PTPRD: variants seen among roughly 807,000 people sequenced by gnomAD.
PTPRD encodes receptor-type tyrosine-protein phosphatase delta.
In PTPRD, 34 loss-of-function variants were observed where a neutral mutation model predicts 214.5. The ratio of observed to expected loss-of-function variants is 0.16; its 90% confidence interval spans 0.12 to 0.21. The LOEUF is 0.21. Among genes scored for constraint, PTPRD ranks in the 10% least tolerant of loss-of-function variants. The pLI is 1.00. For synonymous variants in PTPRD, 1,128 were observed against 845.7 expected, an observed-to-expected ratio of 1.33 and a Z score of -5.79; for missense variants, 2,545 against 2,398.7, an observed-to-expected ratio of 1.06 and a Z score of -1.27.
At chr9:8,986,070 G>A (rs934846708) in intron 11 of PTPRD, among the ~76,000 whole-genome samples, 3 of 152,004 alleles carry the variant, frequency 2.0e-5, no homozygotes, top group African/African-American at 7.2e-5. Context: ...AAGCTTGGAA[G>A]GACCTTGATA....
chr9:10,224,755 T>C (rs1459987940), intron 3 of PTPRD, among the ~76,000 whole-genome samples: 1 of 152,022 alleles, frequency 6.6e-6, no homozygotes, highest in Non-Finnish European at 1.5e-5. Context: ...CCAACTCTCC[T>C]CTTCCTCCTC....
chr9:10,267,548 C>G (rs566391228), intron 3 of PTPRD, among the ~76,000 whole-genome samples: 2 of 151,952 alleles, frequency 1.3e-5, no homozygotes, highest in East Asian at 1.9e-4. Flanking sequence ...AATTCTTGCC[C>G]AAGGCATTTC....
At chr9:10,384,236 A>T (rs1269404393) in intron 2 of PTPRD, among the ~76,000 whole-genome samples, 1 of 151,850 alleles carries the variant, frequency 6.6e-6, no homozygotes, top group Non-Finnish European at 1.5e-5. Context: ...ACTATTTCAC[A>T]TGATGTGAAC....
chr9:9,482,716 T>A (rs1296600425), intron 8 of PTPRD, among the ~76,000 whole-genome samples: 1 of 152,196 alleles, frequency 6.6e-6, no homozygotes, highest in Non-Finnish European at 1.5e-5. Context: ...AAAATAAGCT[T>A]GTTTATAAAC....
intron 10 of PTPRD, among the ~76,000 whole-genome samples, chr9:9,055,797 A>G (rs2099695124): frequency 6.7e-6 from 1 of 149,662 alleles, no homozygotes; most frequent in Non-Finnish European, 1.5e-5. Flanking sequence ...AATATATTTT[A>G]TATTTAACTA....
chr9:9,444,169 T>G (rs2089494092), intron 8 of PTPRD, among the ~76,000 whole-genome samples: 2 of 152,190 alleles, frequency 1.3e-5, no homozygotes, highest in Non-Finnish European at 2.9e-5. Context: ...ACTTAACATG[T>G]TCTTTGGATT....
chr9:10,365,927 T>G (rs929464897), intron 2 of PTPRD, among the ~76,000 whole-genome samples: 1 of 152,172 alleles, frequency 6.6e-6, no homozygotes, highest in Non-Finnish European at 1.5e-5. Flanking sequence ...CAAAATATCC[T>G]CTACTCTGTT....
intron 11 of PTPRD, among the ~76,000 whole-genome samples, chr9:8,958,311 T>C (rs1181348356): frequency 6.6e-6 from 1 of 151,966 alleles, no homozygotes. Flanking sequence ...ATACTTCTTC[T>C]CCCTAATAAG....
At chr9:9,700,997 C>G (rs911959661) in intron 7 of PTPRD, among the ~76,000 whole-genome samples, 2 of 151,678 alleles carry the variant, frequency 1.3e-5, no homozygotes, top group Non-Finnish European at 2.9e-5. Flanking sequence ...ACTTCATTCC[C>G]CTAGAAGTCA....
intron 8 of PTPRD, among the ~76,000 whole-genome samples, chr9:9,498,588 G>A (rs2096283670): frequency 1.3e-5 from 2 of 152,028 alleles, no homozygotes; most frequent in African/African-American, 4.8e-5. Flanking sequence ...TACTGGGGTT[G>A]AGAAAAGAAA....
intron 14 of PTPRD, among the ~76,000 whole-genome samples, chr9:8,627,756 C>G (rs2096091101): frequency 6.6e-6 from 1 of 151,832 alleles, no homozygotes. Flanking sequence ...GTTTTAATGT[C>G]TCCCCTTACT....
intron 7 of PTPRD, among the ~76,000 whole-genome samples, chr9:9,603,452 G>C (rs970568133): frequency 2.6e-5 from 4 of 152,132 alleles, no homozygotes; most frequent in African/African-American, 7.2e-5. Context: ...CTATAAACCA[G>C]AGGTCCCCAA....
intron 3 of PTPRD, among the ~76,000 whole-genome samples, chr9:10,191,300 CTATTT>C (rs532581838): frequency 3.3e-4 from 50 of 151,980 alleles, no homozygotes; most frequent in East Asian, 1.4e-3. Flanking sequence ...AATATATATT[CTATTT>C]TATTTTTCTT....
At chr9:8,366,115 C>T (rs1410584208) in intron 39 of PTPRD, among the ~76,000 whole-genome samples, 1 of 152,090 alleles carries the variant, frequency 6.6e-6, no homozygotes, top group Non-Finnish European at 1.5e-5. Context: ...AACACCAAAA[C>T]AAATGAACAA....
intron 9 of PTPRD, among the ~76,000 whole-genome samples, chr9:9,292,255 A>ATAACT (rs1354460245): frequency 2.0e-5 from 3 of 151,288 alleles, no homozygotes; most frequent in Non-Finnish European, 3.0e-5. Flanking sequence ...TAACTGAAGC[A>ATAACT]TAACTGGTTC....
rs898216445 is a variant in PTPRD at position 8,945,509 on chromosome 9, T to A, written c.-104+73188A>T. On this transcript the variant is annotated intron_variant, in intron 11 of 45. Coordinates refer to ENST00000381196, the MANE Select transcript of PTPRD (RefSeq NM_002839.4). ...ATCTACTGCAATTCATCTTGCTCGCTAGAATCCTCCTAAAGCATTCCATAA... is the reference window on the plus strand; with the variant it reads ...ATCTACTGCAATTCATCTTGCTCGCAAGAATCCTCCTAAAGCATTCCATAA... Among the ~76,000 whole-genome samples, 56 of 152,214 alleles carry A rather than the reference T, an allele frequency of 3.7e-4. 1 individual carries two copies. Among genetic ancestry groups the A allele is most frequent in the Admixed American group, 1.8e-3 (28 of 15,280 alleles).
At chr9:9,513,640 T>C (rs2096764758) in intron 8 of PTPRD, among the ~76,000 whole-genome samples, 1 of 151,784 alleles carries the variant, frequency 6.6e-6, no homozygotes, top group African/African-American at 2.4e-5. Flanking sequence ...ATTCACACTT[T>C]CCTGAATATT....
chr9:10,292,018 C>A (rs186624260), intron 3 of PTPRD, among the ~76,000 whole-genome samples: 1 of 151,946 alleles, frequency 6.6e-6, no homozygotes, highest in African/African-American at 2.4e-5. Context: ...CACTAAGTAG[C>A]CTTAGAGTAA....
chr9:8,371,377 G>C (rs1057211984), intron 39 of PTPRD, among the ~76,000 whole-genome samples: 2 of 152,034 alleles, frequency 1.3e-5, no homozygotes, highest in African/African-American at 2.4e-5. Flanking sequence ...AGGTGTAAGA[G>C]CTGGGGGTAA....
Sources: allele counts gnomAD v4.1 joint callset (sites outside exome capture counted in the v4.1 genomes callset), GRCh38; gene constraint gnomAD v4.1.1; transcripts MANE v1.5; gene names NCBI Gene and HGNC (gene_info 2026-07-23, HGNC 2026-07-21).